CNBD1: variants seen among roughly 807,000 people sequenced by gnomAD.
CNBD1 encodes the protein cyclic nucleotide binding domain containing 1, also known as cyclic nucleotide-binding domain-containing protein 1.
A neutral mutation model predicts 54.4 loss-of-function variants in CNBD1; 71 were observed. The ratio of observed to expected loss-of-function variants is 1.30; its 90% CI spans 1.08 to 1.59. CNBD1 has a LOEUF of 1.59. Ranked by LOEUF, CNBD1 falls within the 40% of genes most tolerant of loss-of-function variation. CNBD1 has a pLI of 0.00. For missense variants in CNBD1, 659 were observed against 518.0 expected (o/e 1.27, Z -2.64); for synonymous variants, 182 against 170.7 (o/e 1.07, Z -0.51).
chr8:87,046,260 A>C (rs1012075404), intron 4 of CNBD1, among the ~76,000 whole-genome samples: 5 of 152,172 alleles, frequency 3.3e-5, no homozygotes, highest in Non-Finnish European at 5.9e-5. Flanking sequence ...CAGCAAATCA[A>C]AATAGGCCTC....
chr8:86,929,845 G>A (rs1022530900), intron 3 of CNBD1, among the ~76,000 whole-genome samples: 10 of 152,140 alleles, frequency 6.6e-5, no homozygotes, highest in African/African-American at 2.4e-4. Context: ...AAACAGTGAG[G>A]CCAGCCGTTT....
At chr8:87,119,652 T>C (rs749970777) in intron 4 of CNBD1, among the ~76,000 whole-genome samples, 1 of 152,156 alleles carries the variant, frequency 6.6e-6, no homozygotes, top group Non-Finnish European at 1.5e-5. Context: ...CATTGTTGTC[T>C]TGTTCCAGTC....
intron 4 of CNBD1, among the ~76,000 whole-genome samples, chr8:87,020,226 T>C (rs1391022311): frequency 6.6e-6 from 1 of 152,128 alleles, no homozygotes; most frequent in Non-Finnish European, 1.5e-5. Context: ...TAGGATTTTT[T>C]TTTTAAACAA....
intron 5 of CNBD1, among the ~76,000 whole-genome samples, chr8:87,233,790 G>A (rs985784456): frequency 6.6e-6 from 1 of 151,926 alleles, no homozygotes; most frequent in African/African-American, 2.4e-5. Flanking sequence ...AATTTCTTAA[G>A]AAGATGGCAA....
chr8:87,120,514 C>A (rs1197893180), intron 4 of CNBD1, among the ~76,000 whole-genome samples: 1 of 151,518 alleles, frequency 6.6e-6, no homozygotes, highest in Non-Finnish European at 1.5e-5. Context: ...GAAGAAATAA[C>A]TTTTTATTTT....
intron 4 of CNBD1, among the ~76,000 whole-genome samples, chr8:87,133,506 A>G: frequency 6.6e-6 from 1 of 152,128 alleles, no homozygotes; most frequent in Non-Finnish European, 1.5e-5. Flanking sequence ...AGGTAGGTAT[A>G]ATTATCCCCC....
chr8:86,868,406 G>T (rs558783874), intron 1 of CNBD1, among the ~76,000 whole-genome samples: 162 of 152,090 alleles, frequency 1.1e-3, no homozygotes, highest in African/African-American at 3.7e-3. Context: ...GCAGTGGCAC[G>T]ATCTCAGCTC....
chr8:86,916,378 G>T (rs1211738401), intron 3 of CNBD1, among the ~76,000 whole-genome samples: 1 of 152,146 alleles, frequency 6.6e-6, no homozygotes, highest in Non-Finnish European at 1.5e-5. Context: ...CTGGGGTCTT[G>T]CATTCCTTCT....
intron 4 of CNBD1, among the ~76,000 whole-genome samples, chr8:87,169,593 G>A (rs1159134303): frequency 6.6e-6 from 1 of 152,016 alleles, no homozygotes; most frequent in Non-Finnish European, 1.5e-5. Flanking sequence ...TATACAGTGA[G>A]ATTTAGGAGT....
chr8:87,246,272 C>A (rs566978300), intron 6 of CNBD1, among the ~76,000 whole-genome samples: 1 of 152,050 alleles, frequency 6.6e-6, no homozygotes, highest in African/African-American at 2.4e-5. Context: ...TCATAATTTC[C>A]ATTATCTCTT....
rs374862224 is a variant in CNBD1, at chr8:87,284,678, C to G, written c.772C>G (p.Leu258Val). Reference protein sequence around the residue: ...EMYLPSYDSMLSKWSTFGTLE... With the variant: ...EMYLPSYDSMVSKWSTFGTLE... ...TAAATTGTCTCTGGTATTTTTACAG[C>G]TTAGCAAATGGAGTACCTTTGGGAC... Residue 258 changes from leucine to valine, a missense_variant and splice_region_variant, in exon 7 of 11, where the codon CTT becomes GTT. Coordinates refer to ENST00000518476, the MANE Select transcript of CNBD1 (RefSeq NM_173538.3). 53 of 1,597,430 alleles carry G rather than the reference C, an allele frequency of 3.3e-5. No homozygotes were observed. The highest frequency in any genetic ancestry group is 4.4e-5 in the Non-Finnish European group (52 of 1,173,612).
At chr8:86,877,005 GATTT>G (rs1332596243) in intron 1 of CNBD1, among the ~76,000 whole-genome samples, 2 of 151,886 alleles carry the variant, frequency 1.3e-5, no homozygotes, top group African/African-American at 4.8e-5. Flanking sequence ...TCTATTTCTT[GATTT>G]ATCAACTTTA....
At chr8:87,402,211 A>G (rs1250815336) in intron 2 of CNBD1, among the ~76,000 whole-genome samples, 1 of 151,918 alleles carries the variant, frequency 6.6e-6, no homozygotes, top group African/African-American at 2.4e-5. Flanking sequence ...TCACAGGAAA[A>G]ACCCGCCTCC....
chr8:87,098,508 T>C (rs529605180), intron 4 of CNBD1, among the ~76,000 whole-genome samples: 1 of 152,100 alleles, frequency 6.6e-6, no homozygotes, highest in South Asian at 2.1e-4. Flanking sequence ...AACATGAGCA[T>C]AAATTAGCTA....
rs1309063730 is a variant in CNBD1, at chr8:86,887,570, T to C, written c.117T>C (p.Tyr39=). Residue 39 remains tyrosine, a synonymous_variant, in exon 2 of 11, where the codon TAT becomes TAC. Transcript: ENST00000518476. ...PNLKKSKHIN[Y]GQLNALCHIR... The stretch of plus-strand genomic sequence containing the variant: ...TGAAAAAGTCTAAGCACATTAATTA[T>C]GGCCAGTTGAATGCATTATGCCACA... 6.3e-7 allele frequency: 1 copy of C among 1,578,998 alleles called. No individual in the cohort carries two copies. Among genetic ancestry groups the C allele is most frequent in the Middle Eastern group, 1.7e-4 (1 of 6,010 alleles).
intron 1 of CNBD1, among the ~76,000 whole-genome samples, chr8:86,879,798 G>T (rs111451788): frequency 1.6e-4 from 25 of 152,198 alleles, no homozygotes; most frequent in African/African-American, 5.1e-4. Flanking sequence ...CGTTAACCCA[G>T]GAGGCGGAGG....
intron 4 of CNBD1, among the ~76,000 whole-genome samples, chr8:87,144,273 A>G (rs1019002060): frequency 6.6e-6 from 1 of 152,176 alleles, no homozygotes; most frequent in African/African-American, 2.4e-5. Context: ...TTGGTTCCAA[A>G]CCAATCTCAC....
chr8:87,234,618 AG>A (rs2130823848), intron 5 of CNBD1, among the ~76,000 whole-genome samples: 1 of 152,326 alleles, frequency 6.6e-6, no homozygotes, highest in South Asian at 2.1e-4. Context: ...TGCTATAAAA[AG>A]ATATGTTGTC....
At chr8:87,116,840 A>C (rs577154216) in intron 4 of CNBD1, among the ~76,000 whole-genome samples, 1 of 152,138 alleles carries the variant, frequency 6.6e-6, no homozygotes, top group African/African-American at 2.4e-5. Context: ...ACCTTTCAAC[A>C]TCTCCCACCT....
Sources: allele counts gnomAD v4.1 joint callset (sites outside exome capture counted in the v4.1 genomes callset), GRCh38; gene constraint gnomAD v4.1.1; transcripts MANE v1.5; gene names NCBI Gene and HGNC (gene_info 2026-07-23, HGNC 2026-07-21).